The following ZMYND8 variants were observed in gnomAD, a reference collection of about 807,000 sequenced individuals.
ZMYND8 encodes the protein MYND-type zinc finger-containing chromatin reader ZMYND8.
ZMYND8 carries 37 observed loss-of-function variants against 140.8 expected under a neutral mutation model. The observed-to-expected ratio is 0.26, with a 90% CI of 0.20 to 0.35. The LOEUF (loss-of-function observed/expected upper bound fraction) is 0.35. ZMYND8 is among the 10% of genes least tolerant of loss of function. ZMYND8 has a pLI of 1.00. For missense variants in ZMYND8, 1,068 were observed against 1,570.0 expected (o/e 0.68, Z 5.40); for synonymous variants, 592 against 597.1 (o/e 0.99, Z 0.12).
At chr20:47,220,408 T>A in intron 20 of ZMYND8, 84 bp from the exon 21 acceptor site, 2 of 1,061,878 alleles carry the variant, frequency 1.9e-6, no homozygotes, top group Non-Finnish European at 2.8e-6. Context: ...GTCATGGGGG[T>A]GCTCATCGCT....
intron 6 of ZMYND8, among the ~76,000 whole-genome samples, chr20:47,290,641 G>C (rs1359855576): frequency 7.2e-6 from 1 of 137,942 alleles, no homozygotes; most frequent in Non-Finnish European, 1.5e-5. Context: ...GCCCAGGTTG[G>C]AGTGCAATGG....
intron 11 of ZMYND8, 103 bp from the exon 12 acceptor site, chr20:47,262,531 G>C (rs2075231064): frequency 1.6e-5 from 24 of 1,487,076 alleles, no homozygotes; most frequent in South Asian, 7.4e-5. Context: ...AATTGTGTTT[G>C]ATTTCAGCAA....
intron 8 of ZMYND8, among the ~76,000 whole-genome samples, chr20:47,284,556 G>C (rs1290226603): frequency 6.6e-6 from 1 of 152,020 alleles, no homozygotes; most frequent in Non-Finnish European, 1.5e-5. Flanking sequence ...TCTGGCCCCA[G>C]CCCACCTGTC....
At chr20:47,268,764 A>C (rs569505793) in intron 11 of ZMYND8, among the ~76,000 whole-genome samples, 2 of 149,064 alleles carry the variant, frequency 1.3e-5, no homozygotes, top group South Asian at 4.3e-4. Context: ...GGTGACAGAG[A>C]CTCCATCTCA....
At chr20:47,274,136 C>G (rs1456833341) in intron 11 of ZMYND8, among the ~76,000 whole-genome samples, 1 of 152,198 alleles carries the variant, frequency 6.6e-6, no homozygotes, top group African/African-American at 2.4e-5. Flanking sequence ...CAAGGGAAGA[C>G]AGAAGCTAAA....
Position 47,347,936 on chromosome 20 carries a change from A to G in ZMYND8, c.15-10T>C. ...TTCCTCTTCAGCCAAGCTGAAACAG[A>G]GCAAATTATGTTCATGTTTAGGAAG... On this transcript the variant is annotated splice_polypyrimidine_tract_variant and intron_variant, in intron 1 of 22. Transcript: ENST00000471951. 1 of 1,613,596 alleles carries G rather than the reference A, an allele frequency of 6.2e-7. No homozygotes were observed. Among genetic ancestry groups the G allele is most frequent in the Non-Finnish European group, 8.5e-7 (1 of 1,179,934 alleles).
At chr20:47,239,277 G>T in intron 14 of ZMYND8, 139 bp from the exon 15 acceptor site, 1 of 1,158,148 alleles carries the variant, frequency 8.6e-7, no homozygotes, top group Non-Finnish European at 1.1e-6. Context: ...CAAGCACACC[G>T]CGCTGGAGGA....
chr20:47,255,992 G>A (rs923423011), intron 12 of ZMYND8, among the ~76,000 whole-genome samples: 3 of 149,634 alleles, frequency 2.0e-5, no homozygotes, highest in Non-Finnish European at 4.4e-5. Context: ...AGAATCACCC[G>A]AACCCAGGAG....
intron 12 of ZMYND8, among the ~76,000 whole-genome samples, chr20:47,261,550 T>TATCATCATC (rs10563094): frequency 1.7e-5 from 2 of 118,604 alleles, no homozygotes; most frequent in Non-Finnish European, 4.0e-5. Flanking sequence ...AAAAAACAGT[T>TATCATCATC]ATCATCATCA....
At chr20:47,302,854 C>A (rs759792992) in intron 3 of ZMYND8, among the ~76,000 whole-genome samples, 1 of 152,162 alleles carries the variant, frequency 6.6e-6, no homozygotes, top group Non-Finnish European at 1.5e-5. Flanking sequence ...AAGATGACTA[C>A]TAAAAACCTG....
In ZMYND8 at chr20:47,290,110, G is replaced by C. The variant is rs16992487; in HGVS notation, c.748+77C>G. 5.4e-3 allele frequency: 7,640 copies of C among 1,402,918 alleles called. 315 individuals carry two copies. The African/African-American group carries it at 0.092, about 17-fold the overall frequency. The allele number at this position is 1,402,918 out of a possible 1,614,324, so 86.9% of individuals were successfully genotyped here. ...TATTCTCAATATGAATTAAGAGCCT[G>C]ATTTTTCATGAAGGACAGGAATTTG... is the stretch of plus-strand genomic sequence containing the variant. On this transcript the variant is annotated intron_variant, in intron 7 of 22. Transcript: ENST00000471951.
At chr20:47,217,757 G>C (rs764013327) in intron 21 of ZMYND8, among the ~76,000 whole-genome samples, 15 of 152,110 alleles carry the variant, frequency 9.9e-5, no homozygotes, top group Non-Finnish European at 1.8e-4. Flanking sequence ...ACATGATAAG[G>C]TGTTCATGCT....
intron 10 of ZMYND8, among the ~76,000 whole-genome samples, chr20:47,279,441 TA>T (rs2076463453): frequency 6.6e-6 from 1 of 151,614 alleles, no homozygotes; most frequent in Non-Finnish European, 1.5e-5. Flanking sequence ...CCGCCTCAAA[TA>T]AATAAATAAA....
intron 11 of ZMYND8, among the ~76,000 whole-genome samples, chr20:47,269,804 T>G (rs753855467): frequency 5.3e-5 from 8 of 152,250 alleles, no homozygotes; most frequent in Non-Finnish European, 8.8e-5. Flanking sequence ...ACAACCTGTA[T>G]GTTCAAAGTG....
intron 2 of ZMYND8, among the ~76,000 whole-genome samples, chr20:47,327,084 G>C (rs1043556571): frequency 6.6e-6 from 1 of 152,070 alleles, no homozygotes; most frequent in Non-Finnish European, 1.5e-5. Flanking sequence ...CAGCTGATGC[G>C]GTGAACCAGT....
rs1346005900 is a variant in ZMYND8 at position 47,210,685 on chromosome 20, C to T, written c.*76G>A. On this transcript the variant is annotated 3_prime_UTR_variant, in exon 23 of 23. Transcript: ENST00000471951. Reference sequence around the variant, plus strand: ...AAGTCTGAAAGTGGCTGTTCTCCTGCCTTTGTTGTTTCTTCTTTTCCTGGC... The same window carrying T: ...AAGTCTGAAAGTGGCTGTTCTCCTGTCTTTGTTGTTTCTTCTTTTCCTGGC... 1.9e-6 allele frequency: 3 copies of T among 1,612,154 alleles called. No homozygotes were observed. Among genetic ancestry groups the T allele is most frequent in the Non-Finnish European group, 1.7e-6 (2 of 1,178,712 alleles).
Position 47,310,290 on chromosome 20 carries a change from G to A in ZMYND8, c.86-86C>T, listed in dbSNP as rs1357953248. ...AGGAGGTGTGGAGGAACCAAGTGTG[G>A]GAACAGAGTGCATTCTGTCCCCCAA... On this transcript the variant is annotated intron_variant, in intron 2 of 22. Transcript: ENST00000471951. The A allele has an allele frequency of 2.7e-6, 4 of 1,483,222 alleles. No individual in the cohort carries two copies. In the East Asian group the frequency reaches 6.8e-5, roughly 25 times the overall value. The allele number at this position is 1,483,222 out of a possible 1,614,324, so 91.9% of individuals were successfully genotyped here.
Position 47,227,946 on chromosome 20 carries a change from A to T in ZMYND8, c.2938-665T>A, listed in dbSNP as rs374049587. Among the ~76,000 whole-genome samples the T allele has an allele frequency of 1.3e-5, 2 of 152,250 alleles. 1 individual carries two copies. ...TATCTCTACTAAAAATACAAAAATT[A>T]ACCGGGCATGGCGGCGCACGCCTGT... On this transcript the variant is annotated intron_variant, in intron 17 of 22. Coordinates refer to ENST00000471951, the MANE Select transcript of ZMYND8 (RefSeq NM_001281775.3).
intron 11 of ZMYND8, among the ~76,000 whole-genome samples, chr20:47,266,411 G>A (rs1465550926): frequency 1.3e-5 from 2 of 152,062 alleles, no homozygotes; most frequent in East Asian, 1.9e-4. Context: ...CTCACAAGCA[G>A]CTGGGATTAC....
Sources: gnomAD v4.1 joint callset for allele counts (sites outside exome capture counted in the v4.1 genomes callset) on GRCh38, gnomAD v4.1.1 for gene constraint, MANE v1.5 for transcripts, NCBI Gene and HGNC (gene_info 2026-07-23, HGNC 2026-07-21) for gene names.